KLRD1: variants seen among roughly 807,000 people sequenced by gnomAD.
The protein encoded by KLRD1 is natural killer cells antigen CD94.
Under a neutral mutation model 22.6 loss-of-function variants are expected in KLRD1, and 21 were observed. That is an observed-to-expected ratio of 0.93 (90% CI 0.66 to 1.34). KLRD1 has a LOEUF of 1.34. Among genes scored for constraint, KLRD1 ranks in the 40% most tolerant of loss-of-function variants. The probability of loss-of-function intolerance (pLI) is 0.00; values close to 1 mark genes in which losing one functional copy is unlikely to be tolerated. For synonymous variants in KLRD1, 59 were observed against 71.1 expected, an observed-to-expected ratio of 0.83 and a Z score of 0.85; for missense variants, 183 against 208.6, an observed-to-expected ratio of 0.88 and a Z score of 0.76.
At chr12:10,286,408 A>G (rs988947434) in intron 1 of KLRD1, among the ~76,000 whole-genome samples, 1 of 152,216 alleles carries the variant, frequency 6.6e-6, no homozygotes, top group Non-Finnish European at 1.5e-5. Flanking sequence ...TTCTCAGAAC[A>G]TATTTCCAAT....
intron 1 of KLRD1, among the ~76,000 whole-genome samples, chr12:10,265,699 A>G (rs574464513): frequency 2.0e-5 from 3 of 152,296 alleles, no homozygotes; most frequent in East Asian, 3.9e-4. Flanking sequence ...AGAGGTTGCA[A>G]TGAGCCAAGA....
At chr12:10,312,499 C>T (rs1340026412) in intron 4 of KLRD1, among the ~76,000 whole-genome samples, 3 of 151,922 alleles carry the variant, frequency 2.0e-5, no homozygotes, top group African/African-American at 7.2e-5. Flanking sequence ...CTGCCTCAGC[C>T]TCCCGAGTAG....
chr12:10,327,008 C>T lies in KLRD1; in HGVS notation c.*12215C>T, dbSNP rs897529288. The T allele has an allele frequency of 2.0e-5, 3 of 152,178 alleles. No individual in the cohort carries two copies. Among genetic ancestry groups the T allele is most frequent in the African/African-American group, 7.2e-5 (3 of 41,442 alleles). 9.4% of individuals were successfully genotyped at this position (152,178 alleles called of 1,614,324 possible). ...AAAACCAATGTCAAAAGGTTTTCCTCTATGTTTTCTTTGAAGGGCTTTACA... is the reference window on the plus strand; with the variant it reads ...AAAACCAATGTCAAAAGGTTTTCCTTTATGTTTTCTTTGAAGGGCTTTACA... On this transcript the variant is annotated 3_prime_UTR_variant, in exon 6 of 6. Transcript: ENST00000336164.
In KLRD1 at chr12:10,329,275, G is replaced by A. The variant is rs1166617154; in HGVS notation, c.*14482G>A. 1 of 152,042 alleles carries A rather than the reference G, an allele frequency of 6.6e-6. No homozygotes were observed. The highest frequency in any genetic ancestry group is 1.5e-5 in the Non-Finnish European group (1 of 67,996). 9.4% of individuals were successfully genotyped at this position (152,042 alleles called of 1,614,324 possible). On this transcript the variant is annotated 3_prime_UTR_variant, in exon 6 of 6. Transcript: ENST00000336164. ...TTGATTTATTCTTTGCAGATTGGTTGTTCAAAAATGTATTGTTAAATTATC... is the reference window on the plus strand; with the variant it reads ...TTGATTTATTCTTTGCAGATTGGTTATTCAAAAATGTATTGTTAAATTATC...
At chr12:10,266,901 A>G (rs1225168223) in intron 1 of KLRD1, among the ~76,000 whole-genome samples, 1 of 142,378 alleles carries the variant, frequency 7.0e-6, no homozygotes, top group African/African-American at 2.6e-5. Flanking sequence ...TAATTCCAGC[A>G]TTTATTACTT....
chr12:10,265,768 A>G (rs1434297265), intron 1 of KLRD1, among the ~76,000 whole-genome samples: 1 of 152,174 alleles, frequency 6.6e-6, no homozygotes, highest in Admixed American at 6.5e-5. Flanking sequence ...AAAAAAAGAA[A>G]AAGATTCTTA....
intron 1 of KLRD1, among the ~76,000 whole-genome samples, chr12:10,260,862 A>T (rs1248842473): frequency 1.3e-5 from 2 of 152,090 alleles, no homozygotes; most frequent in African/African-American, 4.8e-5. Context: ...GAATGGCATG[A>T]ACCCGGGAGG....
chr12:10,252,364 C>T (rs924341164), intron 1 of KLRD1, among the ~76,000 whole-genome samples: 18 of 151,976 alleles, frequency 1.2e-4, no homozygotes, highest in Admixed American at 4.6e-4. Context: ...CTTAGCTGGG[C>T]GTGGCGATGT....
At chr12:10,308,646 A>T (rs143782636) in intron 1 of KLRD1, 1 of 154,698 alleles carries the variant, frequency 6.5e-6, no homozygotes, top group Non-Finnish European at 1.4e-5. Context: ...TTGTTTATGT[A>T]TGTTCAATAT....
At chr12:10,269,878 G>A (rs1949533495) in intron 1 of KLRD1, among the ~76,000 whole-genome samples, 2 of 152,012 alleles carry the variant, frequency 1.3e-5, no homozygotes, top group African/African-American at 2.4e-5. Context: ...CAAATTTAGT[G>A]CAAGCAATAT....
chr12:10,241,166 A>C (rs1279395473), intron 1 of KLRD1, among the ~76,000 whole-genome samples: 1 of 152,162 alleles, frequency 6.6e-6, no homozygotes, highest in Non-Finnish European at 1.5e-5. Flanking sequence ...AATTCATGAC[A>C]CAAAACGTTG....
chr12:10,315,427 T>C lies in KLRD1; in HGVS notation c.*634T>C. On this transcript the variant is annotated 3_prime_UTR_variant, in exon 6 of 6. Transcript: ENST00000336164. ...AGGTGTGAACCACCATCCCTGGCCC[T>C]CTTCACATTCTTGTATGAAGATTGA... The C allele has an allele frequency of 5.0e-6, 1 of 200,628 alleles. No individual in the cohort carries two copies. Among genetic ancestry groups the C allele is most frequent in the Non-Finnish European group, 1.0e-5 (1 of 95,510 alleles). The allele number at this position is 200,628 out of a possible 1,614,324, so 12.4% of individuals were successfully genotyped here. A position where few individuals can be genotyped will look rare whatever the true frequency, so the allele number is the denominator to read the frequency against.
chr12:10,260,140 A>G (rs1297114217), intron 1 of KLRD1, among the ~76,000 whole-genome samples: 2 of 151,318 alleles, frequency 1.3e-5, no homozygotes, highest in East Asian at 3.9e-4. Context: ...TATCATTCCC[A>G]TCTGTATAAC....
upstream of KLRD1, among the ~76,000 whole-genome samples, chr12:10,299,953 C>G (rs979321120): frequency 1.1e-4 from 17 of 152,190 alleles, no homozygotes; most frequent in Admixed American, 6.5e-5. Flanking sequence ...TTCACGTTTT[C>G]TCACAAGATT....
chr12:10,313,016 C>G (rs1446061925), intron 4 of KLRD1, among the ~76,000 whole-genome samples: 2 of 151,704 alleles, frequency 1.3e-5, no homozygotes, highest in African/African-American at 4.8e-5. Context: ...AAGCGAAAAA[C>G]TTCTCCTGCT....
upstream of KLRD1, among the ~76,000 whole-genome samples, chr12:10,302,645 G>A (rs919307420): frequency 1.3e-5 from 2 of 152,100 alleles, no homozygotes; most frequent in Non-Finnish European, 2.9e-5. Flanking sequence ...CTGATTGGTT[G>A]AGGGGCAGTG....
chr12:10,263,286 G>A (rs542995178), intron 1 of KLRD1, among the ~76,000 whole-genome samples: 17 of 151,970 alleles, frequency 1.1e-4, no homozygotes, highest in Admixed American at 5.9e-4. Context: ...CTATTTATAT[G>A]CTAAAATTCT....
intron 1 of KLRD1, among the ~76,000 whole-genome samples, chr12:10,270,851 T>G (rs1285975189): frequency 6.6e-6 from 1 of 151,896 alleles, no homozygotes; most frequent in Non-Finnish European, 1.5e-5. Flanking sequence ...TGGCGTGATC[T>G]TGGCTCATTG....
intron 1 of KLRD1, chr12:10,308,367 G>T: frequency 2.3e-6 from 1 of 428,564 alleles, no homozygotes; most frequent in East Asian, 4.1e-5. Flanking sequence ...TGGTTAAATT[G>T]TGAGCAACAG....
Sources: allele counts gnomAD v4.1 joint callset (sites outside exome capture counted in the v4.1 genomes callset), GRCh38; gene constraint gnomAD v4.1.1; transcripts MANE v1.5; gene names NCBI Gene and HGNC (gene_info 2026-07-23, HGNC 2026-07-21).